MAT1A: variants seen among roughly 807,000 people sequenced by gnomAD.
The protein encoded by MAT1A is S-adenosylmethionine synthase isoform type-1.
A neutral mutation model predicts 44.0 loss-of-function variants in MAT1A; 19 were observed. The observed-to-expected ratio is 0.43, with a 90% CI of 0.30 to 0.63. MAT1A has a LOEUF of 0.63. Ranked by LOEUF, MAT1A falls within the 30% of genes least tolerant of loss-of-function variation. The pLI, the probability that MAT1A is intolerant of heterozygous loss-of-function variation, is 0.12. For synonymous variants in MAT1A, 205 were observed against 205.6 expected (o/e 1.00, Z 0.03); for missense variants, 397 against 531.0 (o/e 0.75, Z 2.48).
intron 2 of MAT1A, 68 bp downstream of exon 2, chr10:80,285,444 T>A: frequency 7.7e-7 from 1 of 1,301,736 alleles, no homozygotes; most frequent in Non-Finnish European, 1.1e-6. Flanking sequence ...GTTTGTCTTA[T>A]ACCCATGATT....
Position 80,276,517 on chromosome 10 carries a change from G to A in MAT1A, c.627C>T (p.His209=). ...RIHTIVISVQ[H]NEDITLEEMR... ...TCTCCTCCAGCGTGATGTCTTCGTT[G>A]TGCTGCACAGAGATGACGATGGTGT... Residue 209 remains histidine (H), a synonymous_variant, in exon 6 of 9, where the codon CAC becomes CAT. Coordinates refer to ENST00000372213, the MANE Select transcript of MAT1A (RefSeq NM_000429.3). 6.2e-7 allele frequency: 1 copy of A among 1,614,170 alleles called. No individual in the cohort carries two copies.
At chr10:80,274,736 G>GCAA in intron 7 of MAT1A, 83 bp from the exon 8 acceptor site, 1 of 1,563,452 alleles carries the variant, frequency 6.4e-7, no homozygotes, top group Non-Finnish European at 8.7e-7. Context: ...CTTCTGAAGG[G>GCAA]ACCAGCGGGG....
chr10:80,285,300 G>C (rs1841633865), intron 2 of MAT1A, among the ~76,000 whole-genome samples: 2 of 70,810 alleles, frequency 2.8e-5, no homozygotes, highest in Admixed American at 3.2e-4. Flanking sequence ...TTAGATTCTT[G>C]CTAAAAATAA....
At chr10:80,280,925 G>A in intron 3 of MAT1A, 133 bp from the exon 4 acceptor site, 1 of 726,098 alleles carries the variant, frequency 1.4e-6, no homozygotes. Context: ...GCCAGGGTCT[G>A]TCTAGGCCCA....
At chr10:80,281,015 G>A (rs913553141) in intron 3 of MAT1A, among the ~76,000 whole-genome samples, 19 of 152,102 alleles carry the variant, frequency 1.2e-4, no homozygotes, top group Admixed American at 3.3e-4. Flanking sequence ...AAAATTCTCC[G>A]TGGTGCATTT....
intron 4 of MAT1A, 69 bp from the exon 5 acceptor site, chr10:80,280,385 G>A: frequency 6.3e-7 from 1 of 1,590,390 alleles, no homozygotes. Context: ...CTCCAAGCCT[G>A]AAATCTCCCT....
chr10:80,276,613 G>T lies in MAT1A; in HGVS notation c.550-19C>A. On this transcript the variant is annotated intron_variant, in intron 5 of 8. Transcript: ENST00000372213. ...CTGTCACCTGTCCATCAGAAGGGTG[G>T]GGGAGATACTGTGAGGCTGAGGCTG... 2 of 1,604,912 alleles carry T rather than the reference G, an allele frequency of 1.2e-6. No individual in the cohort carries two copies. The highest frequency in any genetic ancestry group is 1.1e-5 in the South Asian group (1 of 91,002).
chr10:80,278,648 G>A (rs1354669849), intron 5 of MAT1A, among the ~76,000 whole-genome samples: 1 of 152,238 alleles, frequency 6.6e-6, no homozygotes, highest in Non-Finnish European at 1.5e-5. Flanking sequence ...GAAGTCCCAA[G>A]GAAGGGTTCC....
rs367935361 is a variant in MAT1A, at chr10:80,274,621, C to T, written c.984G>A (p.Leu328=). 6.2e-7 allele frequency: 1 copy of T among 1,614,102 alleles called. No individual in the cohort carries two copies. Among genetic ancestry groups the T allele is most frequent in the Non-Finnish European group, 8.5e-7 (1 of 1,180,042 alleles). ...TTCCGTAGGTGAAGATGGAAATGGACAGCGGCTCGGCCACACCAATGGCAT... is the reference window on the plus strand; with the variant it reads ...TTCCGTAGGTGAAGATGGAAATGGATAGCGGCTCGGCCACACCAATGGCAT... The part of the protein sequence containing the change: ...VSYAIGVAEP[L]SISIFTYGTS... Residue 328 remains leucine (L), a synonymous_variant, in exon 8 of 9, where the codon CTG becomes CTA. Transcript: ENST00000372213.
At chr10:80,287,739 G>C (rs1225659453) in intron 1 of MAT1A, among the ~76,000 whole-genome samples, 1 of 152,194 alleles carries the variant, frequency 6.6e-6, no homozygotes, top group African/African-American at 2.4e-5. Context: ...CAATGTATCT[G>C]AGATTGAAAA....
chr10:80,276,475 C>T lies in MAT1A; in HGVS notation c.669G>A (p.Lys223=), dbSNP rs2132702644. 1 of 1,614,188 alleles carries T rather than the reference C, an allele frequency of 6.2e-7. No homozygotes were observed. The highest frequency in any genetic ancestry group is 8.5e-7 in the Non-Finnish European group (1 of 1,180,048). The change falls in exon 6 of 9, where the codon AAG becomes AAA. Residue 223 remains lysine (K), a synonymous_variant. Transcript: ENST00000372213. ...GCACCACGGCCCTGATGACTTGCTCCTTCAGGGCCCTGCGCATCTCCTCCA... is the reference window on the plus strand; with the variant it reads ...GCACCACGGCCCTGATGACTTGCTCTTTCAGGGCCCTGCGCATCTCCTCCA... The part of the protein sequence containing the change: ...ITLEEMRRAL[K]EQVIRAVVPA...
Position 80,273,568 on chromosome 10 carries a change from T to C in MAT1A, c.*213A>G, listed in dbSNP as rs1841439024. On this transcript the variant is annotated 3_prime_UTR_variant, in exon 9 of 9. Coordinates refer to ENST00000372213, the MANE Select transcript of MAT1A (RefSeq NM_000429.3). ...CTGAGGGAGCAGCAGGAGAACACCATGCCCATCCTTACATCAAGATCCAAC... is the reference window on the plus strand; with the variant it reads ...CTGAGGGAGCAGCAGGAGAACACCACGCCCATCCTTACATCAAGATCCAAC... 1 of 586,326 alleles carries C rather than the reference T, an allele frequency of 1.7e-6. No individual in the cohort carries two copies. Among genetic ancestry groups the C allele is most frequent in the Admixed American group, 2.9e-5 (1 of 34,922 alleles). 36.3% of individuals were successfully genotyped at this position (586,326 alleles called of 1,614,324 possible). A position where few individuals can be genotyped will look rare whatever the true frequency, so the allele number is the denominator to read the frequency against.
chr10:80,289,077 C>T (rs919504777), intron 1 of MAT1A, among the ~76,000 whole-genome samples: 1 of 152,174 alleles, frequency 6.6e-6, no homozygotes, highest in African/African-American at 2.4e-5. Flanking sequence ...TTCCATTGCG[C>T]AGTAGGGTGA....
chr10:80,275,086 A>G lies in MAT1A; in HGVS notation c.882T>C (p.Ala294=), dbSNP rs10887711. The G allele has an allele frequency of 0.67, 1,072,382 of 1,589,642 alleles. 368,288 individuals carry two copies. Among genetic ancestry groups the G allele is most frequent in the East Asian group, 0.95 (41,226 of 43,456 alleles). Residue 294 remains alanine, a synonymous_variant, in exon 7 of 9, where the codon GCT becomes GCC. Coordinates refer to ENST00000372213, the MANE Select transcript of MAT1A (RefSeq NM_000429.3). ...GKDYTKVDRS[A]AYAARWVAKS... is the part of the protein sequence containing the mutation. ...TGGCCACCCAGCGGGCAGCATATGCAGCTGAGCGGTCTACCTTGGTGTAGT... is the reference window on the plus strand; with the variant it reads ...TGGCCACCCAGCGGGCAGCATATGCGGCTGAGCGGTCTACCTTGGTGTAGT...
intron 3 of MAT1A, among the ~76,000 whole-genome samples, chr10:80,283,085 A>G (rs985359859): frequency 6.6e-6 from 1 of 152,226 alleles, no homozygotes; most frequent in Non-Finnish European, 1.5e-5. Context: ...TTGCCTGAAC[A>G]TCTAATGCCA....
Position 80,271,933 on chromosome 10 carries a change from G to A in MAT1A, c.*1848C>T, listed in dbSNP as rs1242629070. On this transcript the variant is annotated 3_prime_UTR_variant, in exon 9 of 9. Coordinates refer to ENST00000372213, the MANE Select transcript of MAT1A (RefSeq NM_000429.3). ...AGATCTTATTTCTCTAGAGGGTAGGGAAAGTATAAAATTCTGAATTTTCAT... is the reference window on the plus strand; with the variant it reads ...AGATCTTATTTCTCTAGAGGGTAGGAAAAGTATAAAATTCTGAATTTTCAT... 6.6e-6 allele frequency: 1 copy of A among 152,180 alleles called. No homozygotes were observed. The highest frequency in any genetic ancestry group is 1.5e-5 in the Non-Finnish European group (1 of 68,016). The allele number at this position is 152,180 out of a possible 1,614,324, so 9.4% of individuals were successfully genotyped here.
intron 6 of MAT1A, among the ~76,000 whole-genome samples, chr10:80,276,031 C>CA (rs1841480508): frequency 6.6e-6 from 1 of 152,228 alleles, no homozygotes; most frequent in South Asian, 2.1e-4. Flanking sequence ...TGTCCACGTG[C>CA]AAATGCTGCA....
At chr10:80,281,402 G>A (rs574810192) in intron 3 of MAT1A, among the ~76,000 whole-genome samples, 4 of 152,236 alleles carry the variant, frequency 2.6e-5, no homozygotes, top group African/African-American at 9.6e-5. Flanking sequence ...CTACAAAGCT[G>A]AGGCACAGGG....
intron 3 of MAT1A, among the ~76,000 whole-genome samples, chr10:80,282,613 T>C (rs144651673): frequency 2.0e-5 from 3 of 152,294 alleles, no homozygotes; most frequent in East Asian, 3.9e-4. Flanking sequence ...GGACAATGTG[T>C]TTCCTCTGTG....
Sources: gnomAD v4.1 joint callset for allele counts (sites outside exome capture counted in the v4.1 genomes callset) on GRCh38, gnomAD v4.1.1 for gene constraint, MANE v1.5 for transcripts, NCBI Gene and HGNC (gene_info 2026-07-23, HGNC 2026-07-21) for gene names.